The following LRRC8D variants were observed in gnomAD, a reference collection of about 807,000 sequenced individuals.
LRRC8D encodes volume-regulated anion channel subunit LRRC8D.
In LRRC8D, 20 loss-of-function variants were observed where a neutral mutation model predicts 55.8. The ratio of observed to expected loss-of-function variants is 0.36; its 90% confidence interval spans 0.25 to 0.52. The LOEUF is 0.52. Ranked by LOEUF, LRRC8D falls within the 20% of genes least tolerant of loss-of-function variation. The probability of loss-of-function intolerance (pLI) is 0.93; values close to 1 mark genes in which losing one functional copy is unlikely to be tolerated. For synonymous variants in LRRC8D, 352 were observed against 377.0 expected, an observed-to-expected ratio of 0.93 and a Z score of 0.77; for missense variants, 651 against 1,030.8, an observed-to-expected ratio of 0.63 and a Z score of 5.05.
intron 2 of LRRC8D, among the ~76,000 whole-genome samples, chr1:89,903,980 C>T (rs1173087866): frequency 1.6e-4 from 24 of 152,086 alleles, no homozygotes; most frequent in Admixed American, 1.4e-3. Context: ...TCATTGTTTT[C>T]GCCTTTGAGA....
intron 2 of LRRC8D, among the ~76,000 whole-genome samples, chr1:89,849,323 C>T (rs1661354567): frequency 6.6e-6 from 1 of 152,050 alleles, no homozygotes; most frequent in Admixed American, 6.6e-5. Context: ...TCTAAGCAAC[C>T]TAGGCATATG....
chr1:89,848,492 A>G (rs938215114), intron 2 of LRRC8D, among the ~76,000 whole-genome samples: 3 of 152,156 alleles, frequency 2.0e-5, no homozygotes, highest in Non-Finnish European at 4.4e-5. Context: ...TTGTATTGAC[A>G]TGAATGTAAG....
intron 2 of LRRC8D, among the ~76,000 whole-genome samples, chr1:89,908,265 A>G (rs1261118107): frequency 6.6e-6 from 1 of 152,238 alleles, no homozygotes; most frequent in Non-Finnish European, 1.5e-5. Context: ...TGTAATTTAC[A>G]AAGTATTTCA....
At chr1:89,895,009 A>G (rs1454518782) in intron 2 of LRRC8D, among the ~76,000 whole-genome samples, 1 of 115,538 alleles carries the variant, frequency 8.7e-6, no homozygotes, top group South Asian at 3.0e-4. Context: ...CCCCCACCCC[A>G]CCCACTGATC....
At chr1:89,830,619 G>A (rs1352749716) in intron 1 of LRRC8D, among the ~76,000 whole-genome samples, 6 of 152,188 alleles carry the variant, frequency 3.9e-5, no homozygotes, top group Non-Finnish European at 2.9e-5. Flanking sequence ...GGGTCATCAG[G>A]AGTGGGAGGC....
At chr1:89,909,746 G>T (rs1281834949) in intron 2 of LRRC8D, among the ~76,000 whole-genome samples, 1 of 151,658 alleles carries the variant, frequency 6.6e-6, no homozygotes, top group Non-Finnish European at 1.5e-5. Flanking sequence ...GGCGCCTGTA[G>T]TCCCAGCTAC....
At chr1:89,851,492 T>G (rs1661416657) in intron 2 of LRRC8D, among the ~76,000 whole-genome samples, 1 of 152,100 alleles carries the variant, frequency 6.6e-6, no homozygotes, top group South Asian at 2.1e-4. Flanking sequence ...TACAATGTAT[T>G]TTCCCCTTGT....
chr1:89,871,228 A>G (rs1250888902), intron 2 of LRRC8D, among the ~76,000 whole-genome samples: 1 of 152,190 alleles, frequency 6.6e-6, no homozygotes, highest in Non-Finnish European at 1.5e-5. Context: ...TATAGAGTCA[A>G]ATTATCTTAT....
chr1:89,934,875 C>G lies in LRRC8D; in HGVS notation c.1807C>G (p.Pro603Ala). Residue 603 changes from proline (P) to alanine (A), a missense_variant, in exon 3 of 3, where the codon CCC becomes GCC. Around this residue, in one of 5 missense-constraint regions of LRRC8D, gnomAD observed 338 missense variants for 479.4 expected, o/e 0.71. Transcript: ENST00000337338. This position sits in a 1 kb window ranked among gnomAD's most constrained non-coding sequence, Gnocchi z 5.9. ...LHVKSNLTKVPSNITDVAPHL... is the reference protein window; with the variant it reads ...LHVKSNLTKVASNITDVAPHL... The stretch of plus-strand genomic sequence containing the variant: ...CGTGAAGAGCAATTTGACCAAAGTT[C>G]CCTCCAACATTACAGATGTGGCTCC... 1 of 1,614,092 alleles carries G rather than the reference C, an allele frequency of 6.2e-7. No homozygotes were observed. The highest frequency in any genetic ancestry group is 8.5e-7 in the Non-Finnish European group (1 of 1,180,004).
intron 2 of LRRC8D, among the ~76,000 whole-genome samples, chr1:89,871,238 T>C (rs1331592395): frequency 3.9e-5 from 6 of 152,240 alleles, no homozygotes; most frequent in African/African-American, 1.4e-4. Flanking sequence ...AATTATCTTA[T>C]GTCTATCTAG....
intron 1 of LRRC8D, among the ~76,000 whole-genome samples, chr1:89,836,893 G>A (rs187247585): frequency 2.9e-4 from 44 of 152,288 alleles, no homozygotes; most frequent in Middle Eastern, 3.4e-3. Context: ...TTAAAACAGC[G>A]TGAGTAATTT....
chr1:89,909,605 G>A (rs1663079735), intron 2 of LRRC8D, among the ~76,000 whole-genome samples: 2 of 152,022 alleles, frequency 1.3e-5, no homozygotes, highest in African/African-American at 4.8e-5. Context: ...GGTGGCTCAC[G>A]CCTGTAATCC....
intron 2 of LRRC8D, chr1:89,846,613 G>C (rs1313580225): frequency 9.2e-5 from 14 of 152,082 alleles, no homozygotes; most frequent in Admixed American, 8.5e-4. Flanking sequence ...CAAATCTCCA[G>C]GTTTTTCGTT....
chr1:89,843,659 C>G lies in LRRC8D; in HGVS notation c.-126C>G. 1.4e-6 allele frequency: 1 copy of G among 702,442 alleles called. No homozygotes were observed. The highest frequency in any genetic ancestry group is 2.6e-6 in the Non-Finnish European group (1 of 384,910). The allele number at this position is 702,442 out of a possible 1,614,324, so 43.5% of individuals were successfully genotyped here. On this transcript the variant is annotated 5_prime_UTR_variant, in exon 2 of 3. Transcript: ENST00000337338. ...ACAGGAAGTGCACGGCTGTCTATAA[C>G]GTGCTGCCGGGTCTCAGGATGGAGG...
intron 2 of LRRC8D, among the ~76,000 whole-genome samples, chr1:89,932,723 T>G (rs898502575): frequency 6.6e-6 from 1 of 152,210 alleles, no homozygotes. Flanking sequence ...TCCCACTCCT[T>G]GACCTCCAAA....
chr1:89,834,956 G>A (rs925641158), intron 1 of LRRC8D, among the ~76,000 whole-genome samples: 7 of 152,244 alleles, frequency 4.6e-5, no homozygotes, highest in African/African-American at 9.6e-5. Context: ...GAGGAATTTA[G>A]ACTTCACTTG....
At chr1:89,931,252 G>T (rs1570899687) in intron 2 of LRRC8D, among the ~76,000 whole-genome samples, 1 of 132,656 alleles carries the variant, frequency 7.5e-6, no homozygotes, top group Non-Finnish European at 1.6e-5. Context: ...ATGTGGAAGG[G>T]TTTCGGAAAA....
intron 2 of LRRC8D, among the ~76,000 whole-genome samples, chr1:89,888,731 G>A (rs1662486318): frequency 6.6e-6 from 1 of 152,184 alleles, no homozygotes; most frequent in African/African-American, 2.4e-5. Context: ...GTAAGGAAGA[G>A]CTTAACAAAC....
intron 1 of LRRC8D, among the ~76,000 whole-genome samples, chr1:89,830,019 CAA>C (rs1660850134): frequency 6.6e-6 from 1 of 152,052 alleles, no homozygotes; most frequent in Non-Finnish European, 1.5e-5. Context: ...ACTGCTGTAA[CAA>C]ATGTTTGCTG....
Sources: allele counts gnomAD v4.1 joint callset (sites outside exome capture counted in the v4.1 genomes callset), GRCh38; gene constraint gnomAD v4.1.1; regional missense constraint gnomAD v4.1.1; non-coding constraint Gnocchi (gnomAD v3.1); transcripts MANE v1.5; gene names NCBI Gene and HGNC (gene_info 2026-07-23, HGNC 2026-07-21).